The following PI15 variants were observed in gnomAD, a reference collection of about 807,000 sequenced individuals.
PI15 encodes the protein 25 kDa trypsin inhibitor.
Under a neutral mutation model 31.0 loss-of-function variants are expected in PI15, and 18 were observed. That is an observed-to-expected ratio of 0.58 (90% CI 0.40 to 0.86). The LOEUF (loss-of-function observed/expected upper bound fraction) is 0.86, where lower values mean the gene tolerates loss of function less well. Among genes scored for constraint, PI15 ranks in the 40% least tolerant of loss-of-function variants. The pLI, the probability that PI15 is intolerant of heterozygous loss-of-function variation, is 0.00. For missense variants in PI15, 282 were observed against 328.1 expected, an observed-to-expected ratio of 0.86 and a Z score of 1.09; for synonymous variants, 118 against 119.1, an observed-to-expected ratio of 0.99 and a Z score of 0.06.
rs1186177859 is a variant in PI15 at position 74,853,538 on chromosome 8, C to T, written c.*4285C>T. ...CTTGGCAATGTCCAAAGTCAAATAT[C>T]ACCTAAACTGGTTAGATTACTTCTA... On this transcript the variant is annotated 3_prime_UTR_variant, in exon 6 of 6. Coordinates refer to ENST00000260113, the MANE Select transcript of PI15 (RefSeq NM_015886.5). The T allele has an allele frequency of 6.6e-6, 1 of 152,382 alleles. No homozygotes were observed. Among genetic ancestry groups the T allele is most frequent in the African/African-American group, 2.4e-5 (1 of 41,400 alleles). 9.4% of individuals were successfully genotyped at this position (152,382 alleles called of 1,614,324 possible).
chr8:74,828,316 C>A (rs1326165589), intron 2 of PI15, among the ~76,000 whole-genome samples: 1 of 152,064 alleles, frequency 6.6e-6, no homozygotes, highest in South Asian at 2.1e-4. Flanking sequence ...AGACAAAGGT[C>A]TGGAGGTGGG....
Position 74,825,532 on chromosome 8 carries a change from A to G in PI15, c.273+10A>G. On this transcript the variant is annotated intron_variant, in intron 2 of 5. Transcript: ENST00000260113. ...AAATATGGAATATATGGTAAGAAGAATTCTTTTTTTTTTTTTTAAGTTCTG... is the reference window on the plus strand; with the variant it reads ...AAATATGGAATATATGGTAAGAAGAGTTCTTTTTTTTTTTTTTAAGTTCTG... The G allele has an allele frequency of 3.3e-6, 5 of 1,537,060 alleles. No individual in the cohort carries two copies. The highest frequency in any genetic ancestry group is 4.4e-6 in the Non-Finnish European group (5 of 1,132,306).
chr8:74,825,094 T>G lies in PI15; in HGVS notation c.-40-116T>G. The G allele has an allele frequency of 4.3e-6, 3 of 697,110 alleles. No homozygotes were observed. The South Asian group carries it at 5.3e-5, about 12-fold the overall frequency. 43.2% of individuals were successfully genotyped at this position (697,110 alleles called of 1,614,324 possible). A position where few individuals can be genotyped will look rare whatever the true frequency, so the allele number is the denominator to read the frequency against. On this transcript the variant is annotated intron_variant, in intron 1 of 5. Coordinates refer to ENST00000260113, the MANE Select transcript of PI15 (RefSeq NM_015886.5). ...TCCTAGGCTTGAGTTCAACATTTGT[T>G]TGGATTTTTGAAGAAAGTCAAATCA...
chr8:74,842,535 ACTT>A (rs1048245213), intron 2 of PI15, among the ~76,000 whole-genome samples: 1 of 152,120 alleles, frequency 6.6e-6, no homozygotes, highest in Non-Finnish European at 1.5e-5. Context: ...ATTTTTTTAA[ACTT>A]CTTTTTCTAT....
intron 2 of PI15, among the ~76,000 whole-genome samples, chr8:74,837,295 A>T (rs190831250): frequency 8.5e-5 from 13 of 152,088 alleles, no homozygotes; most frequent in African/African-American, 2.9e-4. Flanking sequence ...AACTATTTTA[A>T]TATCATCTAA....
Position 74,853,759 on chromosome 8 carries a change from G to T in PI15, c.*4506G>T, listed in dbSNP as rs1586962022. The T allele has an allele frequency of 6.6e-6, 1 of 152,142 alleles. No individual in the cohort carries two copies. Among genetic ancestry groups the T allele is most frequent in the South Asian group, 2.1e-4 (1 of 4,830 alleles). The allele number at this position is 152,142 out of a possible 1,614,324, so 9.4% of individuals were successfully genotyped here. A position where few individuals can be genotyped will look rare whatever the true frequency, so the allele number is the denominator to read the frequency against. On this transcript the variant is annotated 3_prime_UTR_variant, in exon 6 of 6. Coordinates refer to ENST00000260113, the MANE Select transcript of PI15 (RefSeq NM_015886.5). ...TTAACATGTATCTAAGAGGAAAAAAGAGTTAATATATTCTGGCACCCACTT... is the reference window on the plus strand; with the variant it reads ...TTAACATGTATCTAAGAGGAAAAAATAGTTAATATATTCTGGCACCCACTT...
rs1811086738 is a variant in PI15, at chr8:74,850,239, A to C, written c.*986A>C. 6.6e-6 allele frequency: 1 copy of C among 152,238 alleles called. No homozygotes were observed. The allele number at this position is 152,238 out of a possible 1,614,324, so 9.4% of individuals were successfully genotyped here. The stretch of plus-strand genomic sequence containing the variant: ...TTGGAATGAGAAGGGGAAGGAAAGA[A>C]TTAACAAATGCCAAGATTTCTGGAG... On this transcript the variant is annotated 3_prime_UTR_variant, in exon 6 of 6. Coordinates refer to ENST00000260113, the MANE Select transcript of PI15 (RefSeq NM_015886.5).
chr8:74,825,666 C>A, intron 2 of PI15, 144 bp downstream of exon 2: 1 of 663,288 alleles, frequency 1.5e-6, no homozygotes, highest in South Asian at 2.0e-5. Flanking sequence ...TTCTTATGTG[C>A]CTAATAATGT....
rs1207310096 is a variant in PI15 at position 74,852,426 on chromosome 8, G to A, written c.*3173G>A. The A allele has an allele frequency of 6.6e-6, 1 of 152,058 alleles. No individual in the cohort carries two copies. The highest frequency in any genetic ancestry group is 2.4e-5 in the African/African-American group (1 of 41,432). The allele number at this position is 152,058 out of a possible 1,614,324, so 9.4% of individuals were successfully genotyped here. On this transcript the variant is annotated 3_prime_UTR_variant, in exon 6 of 6. Coordinates refer to ENST00000260113, the MANE Select transcript of PI15 (RefSeq NM_015886.5). ...TGACAGATAAGTTTGCTCAAAAAAT[G>A]TGGATGAAGCCATTATTGTTATTAT...
At chr8:74,846,802 AAGAG>A (rs1176483769) in intron 5 of PI15, among the ~76,000 whole-genome samples, 9 of 152,024 alleles carry the variant, frequency 5.9e-5, no homozygotes, top group Non-Finnish European at 7.4e-5. Flanking sequence ...GAGAGAGAGA[AAGAG>A]AGAGAGGAGG....
intron 2 of PI15, among the ~76,000 whole-genome samples, chr8:74,834,445 GGATCC>G (rs996963032): frequency 5.6e-4 from 85 of 152,236 alleles, no homozygotes; most frequent in African/African-American, 1.9e-3. Flanking sequence ...TTGACTCAGT[GGATCC>G]AGTCACCAAA....
In PI15 at chr8:74,827,704, G is replaced by A. The variant is rs73341288; in HGVS notation, c.273+2182G>A. Among the ~76,000 whole-genome samples, 749 of 152,292 alleles carry A rather than the reference G, an allele frequency of 4.9e-3. 6 individuals carry two copies. Among genetic ancestry groups the A allele is most frequent in the African/African-American group, 0.017 (688 of 41,586 alleles). ...TGCATTGAGGAAATGCCCCATGGCA[G>A]GACCCCTGAAGATGTACAGTTATCT... On this transcript the variant is annotated intron_variant, in intron 2 of 5. Transcript: ENST00000260113.
chr8:74,848,732 T>TATATATATAGAGAG (rs1191072583), intron 5 of PI15, among the ~76,000 whole-genome samples: 3 of 136,354 alleles, frequency 2.2e-5, no homozygotes, highest in African/African-American at 8.3e-5. Context: ...TATATATATA[T>TATATATATAGAGAG]AGAGAGAGAG....
intron 3 of PI15, 142 bp from the exon 4 acceptor site, chr8:74,844,986 G>A: frequency 1.4e-6 from 1 of 694,684 alleles, no homozygotes; most frequent in East Asian, 2.6e-5. Context: ...CGACTAGGTG[G>A]TGATGGTGAT....
At chr8:74,832,147 C>T (rs1810791563) in intron 2 of PI15, among the ~76,000 whole-genome samples, 1 of 152,036 alleles carries the variant, frequency 6.6e-6, no homozygotes, top group Non-Finnish European at 1.5e-5. Context: ...AGGTACAAAT[C>T]CATAGGAGTA....
At chr8:74,839,573 AG>A (rs1357324571) in intron 2 of PI15, among the ~76,000 whole-genome samples, 2 of 152,170 alleles carry the variant, frequency 1.3e-5, no homozygotes, top group East Asian at 1.9e-4. Flanking sequence ...AAATATTTTA[AG>A]TGTTTACAAG....
chr8:74,834,342 A>C (rs1010364500), intron 2 of PI15, among the ~76,000 whole-genome samples: 1 of 152,150 alleles, frequency 6.6e-6, no homozygotes, highest in Non-Finnish European at 1.5e-5. Context: ...TATTATTTAT[A>C]CCCTTGGAAA....
At chr8:74,836,230 A>C (rs1056426165) in intron 2 of PI15, among the ~76,000 whole-genome samples, 4 of 152,190 alleles carry the variant, frequency 2.6e-5, no homozygotes, top group African/African-American at 9.7e-5. Flanking sequence ...CTGTAGCAGG[A>C]AAACACCATA....
intron 2 of PI15, among the ~76,000 whole-genome samples, chr8:74,836,215 T>C (rs1253859568): frequency 2.6e-5 from 4 of 152,188 alleles, no homozygotes; most frequent in African/African-American, 4.8e-5. Context: ...TACTGAACTC[T>C]GCCTCTGTAG....
Sources: allele counts gnomAD v4.1 joint callset (sites outside exome capture counted in the v4.1 genomes callset), GRCh38; gene constraint gnomAD v4.1.1; transcripts MANE v1.5; gene names NCBI Gene and HGNC (gene_info 2026-07-23, HGNC 2026-07-21).